POLDIP2: variants seen among roughly 807,000 people sequenced by gnomAD.
POLDIP2 encodes polymerase delta-interacting protein 2.
Under a neutral mutation model 52.9 loss-of-function variants are expected in POLDIP2, and 32 were observed. The ratio of observed to expected loss-of-function variants is 0.61; its 90% CI spans 0.46 to 0.81. POLDIP2 has a LOEUF of 0.81. POLDIP2 is among the 40% of genes least tolerant of loss of function. The probability of loss-of-function intolerance (pLI) is 0.00; values close to 1 mark genes in which losing one functional copy is unlikely to be tolerated. For missense variants in POLDIP2, 371 were observed against 477.3 expected (o/e 0.78, Z 2.07); for synonymous variants, 183 against 183.0 (o/e 1.00, Z 0.00).
chr17:28,351,879 G>T, intron 6 of POLDIP2, 79 bp from the exon 7 acceptor site: 1 of 1,340,382 alleles, frequency 7.5e-7, no homozygotes, highest in Middle Eastern at 2.4e-4. Context: ...CAATAGTCCA[G>T]TGCGATTGCC....
intron 2 of POLDIP2, 41 bp downstream of exon 2, chr17:28,355,754 G>T: frequency 1.4e-6 from 2 of 1,467,056 alleles, no homozygotes; most frequent in Non-Finnish European, 1.9e-6. Context: ...CAGAAGCAGA[G>T]CACTCTATGA....
In POLDIP2 at chr17:28,347,792, C is replaced by G. The variant is rs1359496480; in HGVS notation, c.*325G>C. ...TGGGAGCAGAAATGGCAAGGGTGGC[C>G]AAGCGTGCACTGGTTTACTGATCAA... On this transcript the variant is annotated 3_prime_UTR_variant, in exon 11 of 11. Coordinates refer to ENST00000540200, the MANE Select transcript of POLDIP2 (RefSeq NM_015584.5). 4 of 218,292 alleles carry G rather than the reference C, an allele frequency of 1.8e-5. No individual in the cohort carries two copies. The highest frequency in any genetic ancestry group is 9.2e-5 in the African/African-American group (4 of 43,432). The allele number at this position is 218,292 out of a possible 1,614,324, so 13.5% of individuals were successfully genotyped here. A position where few individuals can be genotyped will look rare whatever the true frequency, so the allele number is the denominator to read the frequency against.
chr17:28,349,323 C>T (rs1261338068), intron 9 of POLDIP2, among the ~76,000 whole-genome samples, 161 bp from the exon 10 acceptor site: 1 of 117,456 alleles, frequency 8.5e-6, no homozygotes, highest in Non-Finnish European at 1.7e-5. Context: ...CCTGCCAGTA[C>T]CTCCTCCCAT....
rs781794341 is a variant in POLDIP2, at chr17:28,357,483, G to C, written c.-35C>G. On this transcript the variant is annotated 5_prime_UTR_variant, in exon 1 of 11. Coordinates refer to ENST00000540200, the MANE Select transcript of POLDIP2 (RefSeq NM_015584.5). ...GAGCGCCCGCCCGGCTGCTGACACAGAGCCCGACCCGCGGCCGGGCGGCGT... is the reference window on the plus strand; with the variant it reads ...GAGCGCCCGCCCGGCTGCTGACACACAGCCCGACCCGCGGCCGGGCGGCGT... The C allele has an allele frequency of 8.4e-6, 12 of 1,433,452 alleles. No homozygotes were observed. Among genetic ancestry groups the C allele is most frequent in the Non-Finnish European group, 9.0e-6 (10 of 1,105,284 alleles). The allele number at this position is 1,433,452 out of a possible 1,614,324, so 88.8% of individuals were successfully genotyped here.
At chr17:28,355,619 A>G (rs1555580756) in intron 2 of POLDIP2, among the ~76,000 whole-genome samples, 176 bp downstream of exon 2, 1 of 151,932 alleles carries the variant, frequency 6.6e-6, no homozygotes, top group African/African-American at 2.4e-5. Flanking sequence ...CAAAAAATAA[A>G]TAAATAAAAT....
chr17:28,357,497 G>C lies in POLDIP2; in HGVS notation c.-49C>G. 1 of 1,433,168 alleles carries C rather than the reference G, an allele frequency of 7.0e-7. No individual in the cohort carries two copies. Among genetic ancestry groups the C allele is most frequent in the South Asian group, 1.5e-5 (1 of 66,982 alleles). The allele number at this position is 1,433,168 out of a possible 1,614,324, so 88.8% of individuals were successfully genotyped here. A position where few individuals can be genotyped will look rare whatever the true frequency, so the allele number is the denominator to read the frequency against. ...CTGCTGACACAGAGCCCGACCCGCG[G>C]CCGGGCGGCGTTCCGCCCCAGTCCC... On this transcript the variant is annotated 5_prime_UTR_variant, in exon 1 of 11. Transcript: ENST00000540200.
At chr17:28,353,577 C>T in intron 4 of POLDIP2, 118 bp downstream of exon 4, 1 of 673,898 alleles carries the variant, frequency 1.5e-6, no homozygotes, top group Non-Finnish European at 2.7e-6. Flanking sequence ...CAGTCCAAGG[C>T]CTTGGGGACC....
At chr17:28,352,746 C>T (rs1597800858) in intron 6 of POLDIP2, among the ~76,000 whole-genome samples, 166 bp downstream of exon 6, 1 of 151,832 alleles carries the variant, frequency 6.6e-6, no homozygotes, top group Non-Finnish European at 1.5e-5. Flanking sequence ...ACCAGGTTGG[C>T]CAGGCCAGTC....
Position 28,355,661 on chromosome 17 carries a change from T to G in POLDIP2, c.243+134A>C, listed in dbSNP as rs1907993207. On this transcript the variant is annotated intron_variant, in intron 2 of 10. Transcript: ENST00000540200. ...ATAAAATAAAAAATGAATACAAATTTGATTCTGGAATGGCACCAAACATCA... is the reference window on the plus strand; with the variant it reads ...ATAAAATAAAAAATGAATACAAATTGGATTCTGGAATGGCACCAAACATCA... 4 of 430,538 alleles carry G rather than the reference T, an allele frequency of 9.3e-6. No individual in the cohort carries two copies. In the South Asian group the frequency reaches 2.0e-4, roughly 22 times the overall value. The allele number at this position is 430,538 out of a possible 1,614,324, so 26.7% of individuals were successfully genotyped here.
rs1258781255 is a variant in POLDIP2, at chr17:28,355,734, T to C, written c.243+61A>G. 3.9e-6 allele frequency: 5 copies of C among 1,293,722 alleles called. 1 individual carries two copies. The highest frequency in any genetic ancestry group is 1.9e-5 in the Admixed American group (1 of 51,954). The allele number at this position is 1,293,722 out of a possible 1,614,324, so 80.1% of individuals were successfully genotyped here. Reference sequence around the variant, plus strand: ...TACCATGCAGGCCTGTGACCTAATCTGACTTTTTTCAGAAGCAGAGCACTC... The same window carrying C: ...TACCATGCAGGCCTGTGACCTAATCCGACTTTTTTCAGAAGCAGAGCACTC... On this transcript the variant is annotated intron_variant, in intron 2 of 10. Coordinates refer to ENST00000540200, the MANE Select transcript of POLDIP2 (RefSeq NM_015584.5).
Position 28,347,081 on chromosome 17 carries a change from T to C in POLDIP2, c.*1036A>G, listed in dbSNP as rs1052706407. 2 of 152,226 alleles carry C rather than the reference T, an allele frequency of 1.3e-5. No homozygotes were observed. Among genetic ancestry groups the C allele is most frequent in the Non-Finnish European group, 2.9e-5 (2 of 68,052 alleles). The allele number at this position is 152,226 out of a possible 1,614,324, so 9.4% of individuals were successfully genotyped here. A position where few individuals can be genotyped will look rare whatever the true frequency, so the allele number is the denominator to read the frequency against. ...GCCATGGGCTGAGTTCCTGTGCTTC[T>C]GTTTATCATCTGACCTTGTGTTCTA... On this transcript the variant is annotated 3_prime_UTR_variant, in exon 11 of 11. Transcript: ENST00000540200.
chr17:28,346,905 G>A lies in POLDIP2; in HGVS notation c.*1212C>T, dbSNP rs1414624557. 1.3e-5 allele frequency: 2 copies of A among 152,224 alleles called. No homozygotes were observed. Among genetic ancestry groups the A allele is most frequent in the African/African-American group, 4.8e-5 (2 of 41,452 alleles). The allele number at this position is 152,224 out of a possible 1,614,324, so 9.4% of individuals were successfully genotyped here. ...CGGCCTAAAGGATGGCGCAGGTCCT[G>A]GGCAGGAAAGAATTTTTCCTTTATC... On this transcript the variant is annotated 3_prime_UTR_variant, in exon 11 of 11. Transcript: ENST00000540200.
Position 28,348,160 on chromosome 17 carries a change from C to A in POLDIP2, c.1064G>T (p.Ser355Ile). Residue 355 changes from serine (S) to isoleucine (I), a missense_variant, in exon 11 of 11, where the codon AGC (serine) becomes ATC (isoleucine). Coordinates refer to ENST00000540200, the MANE Select transcript of POLDIP2 (RefSeq NM_015584.5). ...GGGTGGTGTCTTCTCATCTTTATTG[C>A]TTTCCAGGGAGAAGGGAGGAATCCG... ...DVRIPPFSLE[S>I]NKDEKTPPSG... 1.2e-6 allele frequency: 2 copies of A among 1,613,850 alleles called. No individual in the cohort carries two copies. Among genetic ancestry groups the A allele is most frequent in the South Asian group, 2.2e-5 (2 of 91,082 alleles).
At chr17:28,351,116 C>T (rs1907778746) in intron 7 of POLDIP2, among the ~76,000 whole-genome samples, 1 of 152,176 alleles carries the variant, frequency 6.6e-6, no homozygotes, top group Admixed American at 6.5e-5. Context: ...CTGCCCTGAG[C>T]CCCTGTCCTC....
intron 10 of POLDIP2, 69 bp from the exon 11 acceptor site, chr17:28,348,300 A>G: frequency 1.0e-6 from 1 of 989,968 alleles, no homozygotes; most frequent in Non-Finnish European, 1.6e-6. Context: ...GGATGGCCCC[A>G]TGCCCTCAGC....
intron 4 of POLDIP2, 145 bp from the exon 5 acceptor site, chr17:28,353,461 G>A (rs1187085352): frequency 1.8e-5 from 10 of 564,224 alleles, no homozygotes; most frequent in Non-Finnish European, 3.2e-5. Context: ...GGCAGAGGTT[G>A]CAGTGAGCTG....
chr17:28,352,607 G>A (rs1409317413), intron 6 of POLDIP2, among the ~76,000 whole-genome samples: 4 of 141,868 alleles, frequency 2.8e-5, no homozygotes, highest in South Asian at 4.5e-4. Flanking sequence ...GTGCAATCTC[G>A]GCTCACTGCA....
rs570454799 is a variant in POLDIP2 at position 28,348,350 on chromosome 17, A to G, written c.993-119T>C. 4.3e-4 allele frequency: 281 copies of G among 649,386 alleles called. 1 individual carries two copies. The highest frequency in any genetic ancestry group is 4.1e-3 in the East Asian group (149 of 36,712). The allele number at this position is 649,386 out of a possible 1,614,324, so 40.2% of individuals were successfully genotyped here. Reference sequence around the variant, plus strand: ...GACATGTGAGCCTGAGCTCTCTTCTATCTCTAGCTCATGACAGGATGACTG... The same window carrying G: ...GACATGTGAGCCTGAGCTCTCTTCTGTCTCTAGCTCATGACAGGATGACTG... On this transcript the variant is annotated intron_variant, in intron 10 of 10. Transcript: ENST00000540200.
intron 9 of POLDIP2, among the ~76,000 whole-genome samples, 156 bp downstream of exon 9, chr17:28,350,282 A>AT (rs1555579703): frequency 1.3e-5 from 2 of 152,216 alleles, no homozygotes; most frequent in South Asian, 4.1e-4. Context: ...TTCAAGAAAC[A>AT]TATCTCATGT....
Sources: allele counts gnomAD v4.1 joint callset (sites outside exome capture counted in the v4.1 genomes callset), GRCh38; gene constraint gnomAD v4.1.1; transcripts MANE v1.5; gene names NCBI Gene and HGNC (gene_info 2026-07-23, HGNC 2026-07-21).